CTNND2: variants seen among roughly 807,000 people sequenced by gnomAD.
The protein encoded by CTNND2 is catenin delta-2.
Under a neutral mutation model 144.4 loss-of-function variants are expected in CTNND2, and 22 were observed. The observed-to-expected ratio is 0.15, with a 90% confidence interval of 0.11 to 0.22. The LOEUF is 0.22. Ranked by LOEUF, CTNND2 falls within the 10% of genes least tolerant of loss-of-function variation. CTNND2 has a pLI of 1.00. For missense variants in CTNND2, 1,353 were observed against 1,618.8 expected, an observed-to-expected ratio of 0.84 and a Z score of 2.82; for synonymous variants, 751 against 695.6, an observed-to-expected ratio of 1.08 and a Z score of -1.25.
intron 20 of CTNND2, chr5:10,986,537 G>A (rs1361804909): frequency 2.3e-6 from 1 of 441,998 alleles, no homozygotes; most frequent in Non-Finnish European, 4.5e-6. Context: ...TCTGCCGAAT[G>A]TCTAGACTCC....
At chr5:11,754,084 T>C (rs1243060864) in intron 1 of CTNND2, among the ~76,000 whole-genome samples, 1 of 151,624 alleles carries the variant, frequency 6.6e-6, no homozygotes, top group Non-Finnish European at 1.5e-5. Context: ...TTAATCTAGC[T>C]AGTGGTATAT....
intron 9 of CTNND2, among the ~76,000 whole-genome samples, chr5:11,253,689 C>T (rs1743908603): frequency 6.6e-6 from 1 of 152,118 alleles, no homozygotes; most frequent in Non-Finnish European, 1.5e-5. Flanking sequence ...TGTAAAAATA[C>T]AATAGACCAT....
chr5:11,682,704 A>G (rs1288848875), intron 2 of CTNND2, among the ~76,000 whole-genome samples: 1 of 152,198 alleles, frequency 6.6e-6, no homozygotes, highest in Non-Finnish European at 1.5e-5. Context: ...AAAATTACTG[A>G]ACACCAAAAA....
At chr5:11,845,237 T>G (rs1322900327) in intron 1 of CTNND2, among the ~76,000 whole-genome samples, 1 of 152,192 alleles carries the variant, frequency 6.6e-6, no homozygotes, top group Non-Finnish European at 1.5e-5. Context: ...CATCTTGTTT[T>G]CTTTTTTTAT....
intron 12 of CTNND2, among the ~76,000 whole-genome samples, chr5:11,151,262 T>G (rs1757736162): frequency 6.6e-6 from 1 of 152,200 alleles, no homozygotes; most frequent in African/African-American, 2.4e-5. Context: ...AATTTATGGT[T>G]AATAGATTTG....
At chr5:11,359,642 C>T (rs1756243978) in intron 8 of CTNND2, among the ~76,000 whole-genome samples, 1 of 152,162 alleles carries the variant, frequency 6.6e-6, no homozygotes, top group Admixed American at 6.5e-5. Flanking sequence ...TATCTGCCTC[C>T]CTGTTCAAAG....
chr5:11,252,743 G>C (rs746677194), intron 9 of CTNND2, among the ~76,000 whole-genome samples: 3 of 152,130 alleles, frequency 2.0e-5, no homozygotes, highest in Non-Finnish European at 4.4e-5. Flanking sequence ...TCTTACCCAG[G>C]TGGCTCACTC....
chr5:11,706,184 T>A (rs2126680548), intron 2 of CTNND2, among the ~76,000 whole-genome samples: 1 of 152,280 alleles, frequency 6.6e-6, no homozygotes, highest in South Asian at 2.1e-4. Context: ...CAGCCAACCC[T>A]TGATTGCAGC....
chr5:11,766,143 A>G (rs1168118803), intron 1 of CTNND2, among the ~76,000 whole-genome samples: 1 of 152,224 alleles, frequency 6.6e-6, no homozygotes, highest in African/African-American at 2.4e-5. Context: ...ATCACATTCC[A>G]GGAATCATTT....
At chr5:11,666,808 T>C (rs1482795285) in intron 2 of CTNND2, among the ~76,000 whole-genome samples, 1 of 152,194 alleles carries the variant, frequency 6.6e-6, no homozygotes, top group Non-Finnish European at 1.5e-5. Context: ...CTGGGGCACA[T>C]GTGCAGAATG....
chr5:11,466,096 G>T (rs555981248), intron 3 of CTNND2, among the ~76,000 whole-genome samples: 9 of 152,098 alleles, frequency 5.9e-5, no homozygotes, highest in African/African-American at 1.9e-4. Context: ...TGCAACCTTG[G>T]ACTCAAGCAA....
chr5:11,341,356 A>C (rs1183778928), intron 9 of CTNND2, among the ~76,000 whole-genome samples: 1 of 152,234 alleles, frequency 6.6e-6, no homozygotes, highest in Non-Finnish European at 1.5e-5. Context: ...AGAGATGGTG[A>C]GGGGCCTGTT....
At chr5:11,211,180 A>G (rs897904819) in intron 10 of CTNND2, among the ~76,000 whole-genome samples, 2 of 152,132 alleles carry the variant, frequency 1.3e-5, no homozygotes, top group Admixed American at 6.5e-5. Context: ...CGCACACTAG[A>G]GCAAAGACTC....
At chr5:11,336,350 G>A (rs926003518) in intron 9 of CTNND2, among the ~76,000 whole-genome samples, 7 of 152,174 alleles carry the variant, frequency 4.6e-5, no homozygotes, top group African/African-American at 7.2e-5. Flanking sequence ...AAGGTTGAAC[G>A]TGGGTATGTG....
intron 1 of CTNND2, among the ~76,000 whole-genome samples, chr5:11,891,563 G>A (rs900197810): frequency 1.9e-4 from 29 of 152,194 alleles, no homozygotes; most frequent in African/African-American, 7.0e-4. Flanking sequence ...ATTAGGTGAT[G>A]GGGATGGGGC....
At position 11,732,356 on chromosome 5, in the gene CTNND2, C is replaced by A. The variant is rs4466167; in HGVS notation, c.38-84G>T. On this transcript the variant is annotated intron_variant, in intron 1 of 21. Transcript: ENST00000304623. Reference sequence around the variant, plus strand: ...TATCAGACCACTTTGAAGATACACACAGAAAAAAAAGTAAAACTATAAGCT... The same window carrying A: ...TATCAGACCACTTTGAAGATACACAAAGAAAAAAAAGTAAAACTATAAGCT... 59,550 of 1,365,566 alleles carry A rather than the reference C, an allele frequency of 0.044. 2,766 individuals are homozygous for A. Among genetic ancestry groups the A allele is most frequent in the African/African-American group, 0.24 (16,166 of 68,554 alleles). 84.6% of individuals were successfully genotyped at this position (1,365,566 alleles called of 1,614,324 possible).
chr5:11,624,301 C>T (rs1781035490), intron 2 of CTNND2, among the ~76,000 whole-genome samples: 1 of 152,076 alleles, frequency 6.6e-6, no homozygotes, highest in Non-Finnish European at 1.5e-5. Flanking sequence ...ACAGTAGTCA[C>T]ATAAGAACTC....
chr5:11,250,510 TATACATATA>T (rs1228111253), intron 9 of CTNND2, among the ~76,000 whole-genome samples: 2 of 80,390 alleles, frequency 2.5e-5, no homozygotes, highest in Non-Finnish European at 2.1e-5. Flanking sequence ...TATATATATA[TATACATATA>T]TTTTTTTTTT....
At chr5:11,033,700 G>A (rs947981929) in intron 16 of CTNND2, among the ~76,000 whole-genome samples, 36 of 152,030 alleles carry the variant, frequency 2.4e-4, no homozygotes, top group Admixed American at 7.2e-4. Flanking sequence ...TGCAGTGGCG[G>A]GAGCCTGTAA....
Sources: gnomAD v4.1 joint callset for allele counts (sites outside exome capture counted in the v4.1 genomes callset) on GRCh38, gnomAD v4.1.1 for gene constraint, MANE v1.5 for transcripts, NCBI Gene and HGNC (gene_info 2026-07-23, HGNC 2026-07-21) for gene names.